The following NR5A2 variants were observed in gnomAD, a reference collection of about 807,000 sequenced individuals.
NR5A2 encodes CYP7A promoter-binding factor.
NR5A2 carries 26 observed loss-of-function variants against 62.7 expected under a neutral mutation model. The ratio of observed to expected loss-of-function variants is 0.41; its 90% CI spans 0.30 to 0.58. NR5A2 has a LOEUF of 0.58. NR5A2 is among the 20% of genes least tolerant of loss of function. The probability of loss-of-function intolerance (pLI) is 0.22; values close to 1 mark genes in which losing one functional copy is unlikely to be tolerated. For missense variants in NR5A2, 541 were observed against 669.1 expected, an observed-to-expected ratio of 0.81 and a Z score of 2.11; for synonymous variants, 246 against 241.7, an observed-to-expected ratio of 1.02 and a Z score of -0.16.
At position 200,045,553 on chromosome 1, in the gene NR5A2, A is replaced by G; in HGVS notation, c.432A>G (p.Gln144=). ...QRKRCPYCRF[Q]KCLSVGMKLE... ...AGCGTTGTCCTTACTGTCGTTTTCAAAAATGTCTAAGTGTTGGAATGAAGC... is the reference window on the plus strand; with the variant it reads ...AGCGTTGTCCTTACTGTCGTTTTCAGAAATGTCTAAGTGTTGGAATGAAGC... The change falls in exon 4 of 8, where the codon CAA becomes CAG. Residue 144 remains glutamine (Q), a synonymous_variant. Coordinates refer to ENST00000367362, the MANE Select transcript of NR5A2 (RefSeq NM_205860.3). The G allele has an allele frequency of 6.2e-7, 1 of 1,612,846 alleles. No individual in the cohort carries two copies. Among genetic ancestry groups the G allele is most frequent in the Non-Finnish European group, 8.5e-7 (1 of 1,179,402 alleles).
At chr1:200,146,590 TG>T in intron 7 of NR5A2, among the ~76,000 whole-genome samples, 1 of 152,350 alleles carries the variant, frequency 6.6e-6, no homozygotes, top group South Asian at 2.1e-4. Context: ...AAAAGGTCTT[TG>T]TGCATTTTAA....
At chr1:200,095,889 A>G (rs1188871421) in intron 5 of NR5A2, among the ~76,000 whole-genome samples, 1 of 152,098 alleles carries the variant, frequency 6.6e-6, no homozygotes, top group Non-Finnish European at 1.5e-5. Flanking sequence ...TTGGCAGTGA[A>G]AAGTCTAATG....
intron 7 of NR5A2, among the ~76,000 whole-genome samples, chr1:200,134,388 G>C (rs918347439): frequency 1.3e-5 from 2 of 152,090 alleles, no homozygotes; most frequent in African/African-American, 4.8e-5. Context: ...TTATCTCATA[G>C]ACTGTATTTT....
In NR5A2 at chr1:200,030,263, T is replaced by G. The variant is rs1285075269; in HGVS notation, c.64+2352T>G. Among the ~76,000 whole-genome samples the G allele has an allele frequency of 2.6e-5, 4 of 152,172 alleles. No individual in the cohort carries two copies. The East Asian group carries it at 7.7e-4, about 29-fold the overall frequency. ...AATTCTATATTTAATTCAGTTGTGT[T>G]GTACTAGGAAATGAGCCTCCTTTTG... On this transcript the variant is annotated intron_variant, in intron 1 of 7. Transcript: ENST00000367362.
At chr1:200,051,218 C>A (rs949847771) in intron 5 of NR5A2, among the ~76,000 whole-genome samples, 1 of 151,782 alleles carries the variant, frequency 6.6e-6, no homozygotes, top group Non-Finnish European at 1.5e-5. Context: ...TAAAGACAGC[C>A]GCAGAGAATA....
intron 7 of NR5A2, among the ~76,000 whole-genome samples, chr1:200,151,875 C>T (rs993146671): frequency 3.9e-5 from 6 of 152,156 alleles, no homozygotes; most frequent in Admixed American, 1.3e-4. Context: ...AATAGTCATG[C>T]GCTCAACACC....
intron 6 of NR5A2, among the ~76,000 whole-genome samples, chr1:200,120,367 T>A (rs539690740): frequency 8.5e-4 from 130 of 152,358 alleles, no homozygotes; most frequent in African/African-American, 2.7e-3. Context: ...AGAGTTAAAA[T>A]TTTTTATCTT....
intron 5 of NR5A2, among the ~76,000 whole-genome samples, chr1:200,086,093 T>A (rs1313420707): frequency 6.6e-6 from 1 of 152,116 alleles, no homozygotes; most frequent in East Asian, 1.9e-4. Context: ...ATTATCAGGC[T>A]AACTACGTGA....
At chr1:200,035,843 A>G (rs553024102) in intron 1 of NR5A2, among the ~76,000 whole-genome samples, 1 of 152,206 alleles carries the variant, frequency 6.6e-6, no homozygotes, top group South Asian at 2.1e-4. Flanking sequence ...GGAAAAGGAG[A>G]GAAGTTTGCC....
chr1:200,034,185 T>G (rs367927915), intron 1 of NR5A2, among the ~76,000 whole-genome samples: 20 of 152,314 alleles, frequency 1.3e-4, no homozygotes, highest in African/African-American at 4.6e-4. Context: ...TCAGCTAGTT[T>G]CACAAGGTGC....
At chr1:200,119,256 G>T (rs1340876663) in intron 6 of NR5A2, among the ~76,000 whole-genome samples, 1 of 152,142 alleles carries the variant, frequency 6.6e-6, no homozygotes, top group East Asian at 1.9e-4. Context: ...CTACTCAAGG[G>T]ACTAGTTCTC....
intron 5 of NR5A2, among the ~76,000 whole-genome samples, chr1:200,099,341 GC>G (rs924668211): frequency 4.5e-5 from 2 of 44,860 alleles, no homozygotes; most frequent in African/African-American, 2.4e-4. Context: ...GCCTCTATAA[GC>G]CTTTTTTTTT....
intron 5 of NR5A2, among the ~76,000 whole-genome samples, chr1:200,055,339 C>T (rs1360852979): frequency 3.9e-5 from 6 of 152,154 alleles, no homozygotes; most frequent in East Asian, 3.9e-4. Context: ...GGGATTATAG[C>T]GCCTGCCACC....
chr1:200,102,223 A>AT (rs1428847630), intron 5 of NR5A2, among the ~76,000 whole-genome samples: 1 of 152,202 alleles, frequency 6.6e-6, no homozygotes, highest in East Asian at 1.9e-4. Flanking sequence ...AATTTTTAAA[A>AT]TTTTTGATAA....
chr1:200,172,749 A>G (rs572101744), intron 7 of NR5A2, among the ~76,000 whole-genome samples: 1 of 152,368 alleles, frequency 6.6e-6, no homozygotes, highest in African/African-American at 2.4e-5. Flanking sequence ...GTTAAGTTCA[A>G]CAGTATATAA....
intron 5 of NR5A2, among the ~76,000 whole-genome samples, chr1:200,081,670 T>C (rs1407130006): frequency 6.6e-6 from 1 of 152,038 alleles, no homozygotes; most frequent in East Asian, 1.9e-4. Context: ...TCAATACACA[T>C]AGTCGCTTAT....
At position 200,062,227 on chromosome 1, in the gene NR5A2, T is replaced by TTATG. The variant is rs1553267511; in HGVS notation, c.1110+13410_1110+13411insATGT. Reference sequence around the variant, plus strand: ...CCCAAATAATTCTCCCTGGCAGATTTTGTGTGTGTGTGTGTGTGTGTGTGT... The same window carrying TTATG: ...CCCAAATAATTCTCCCTGGCAGATTTTATGTGTGTGTGTGTGTGTGTGTGTGTGT... On this transcript the variant is annotated intron_variant, in intron 5 of 7. Coordinates refer to ENST00000367362, the MANE Select transcript of NR5A2 (RefSeq NM_205860.3). Among the ~76,000 whole-genome samples, 289 of 145,754 alleles carry TTATG rather than the reference T, an allele frequency of 2.0e-3. 3 individuals carry two copies. Among genetic ancestry groups the TTATG allele is most frequent in the African/African-American group, 7.1e-3 (280 of 39,346 alleles).
intron 5 of NR5A2, among the ~76,000 whole-genome samples, chr1:200,058,705 T>C (rs1663043494): frequency 6.8e-6 from 1 of 147,738 alleles, no homozygotes; most frequent in Non-Finnish European, 1.5e-5. Context: ...TCTCAAACTC[T>C]TGACCTCAGG....
At chr1:200,124,532 A>G (rs777879315) in intron 7 of NR5A2, among the ~76,000 whole-genome samples, 1 of 152,250 alleles carries the variant, frequency 6.6e-6, no homozygotes, top group Non-Finnish European at 1.5e-5. Flanking sequence ...TGTGTATAAC[A>G]TCATAGATTC....
Sources: gnomAD v4.1 joint callset for allele counts (sites outside exome capture counted in the v4.1 genomes callset) on GRCh38, gnomAD v4.1.1 for gene constraint, MANE v1.5 for transcripts, NCBI Gene and HGNC (gene_info 2026-07-23, HGNC 2026-07-21) for gene names.